Variants in RYR3 observed in about 807,000 individuals in gnomAD.
RYR3 encodes ryanodine receptor 3, also known as brain ryanodine receptor-calcium release channel.
In RYR3, 207 loss-of-function variants were observed where a neutral mutation model predicts 584.3. The observed-to-expected ratio is 0.35, with a 90% CI of 0.32 to 0.40. The LOEUF is 0.40. Among genes scored for constraint, RYR3 ranks in the 10% least tolerant of loss-of-function variants. The pLI, the probability that RYR3 is intolerant of heterozygous loss-of-function variation, is 1.00. For synonymous variants in RYR3, 2,416 were observed against 2,248.5 expected (o/e 1.07, Z -2.11); for missense variants, 5,616 against 6,089.2 (o/e 0.92, Z 2.59).
chr15:33,860,659 G>C lies in RYR3; in HGVS notation c.14364G>C (p.Glu4788Asp). The C allele has an allele frequency of 2.5e-6, 4 of 1,583,470 alleles. No individual in the cohort carries two copies. Among genetic ancestry groups the C allele is most frequent in the East Asian group, 2.3e-5 (1 of 44,360 alleles). The change falls in exon 101 of 104, where the codon GAG becomes GAC. Residue 4788 changes from glutamate (E) to aspartate (D), a missense_variant and splice_region_variant. Glu to Asp is a conservative substitution (Grantham distance 45). Transcript: ENST00000634891. The stretch of plus-strand genomic sequence containing the variant: ...AGGAACAAGTACGAGAAGATATGGA[G>C]GTAATGTTACTCTAACTACTAATCC... Reference protein sequence around the residue: ...DQQEQVREDMETKCFICGIGN... With the variant: ...DQQEQVREDMDTKCFICGIGN...
chr15:33,835,324 T>C (rs1447269719), intron 87 of RYR3, among the ~76,000 whole-genome samples: 2 of 152,190 alleles, frequency 1.3e-5, no homozygotes, highest in East Asian at 1.9e-4. Flanking sequence ...ACCCTTATTA[T>C]TGCCTCAACA....
chr15:33,825,745 TTCC>T (rs2077345761), intron 82 of RYR3, 69 bp downstream of exon 82: 1 of 267,404 alleles, frequency 3.7e-6, no homozygotes, highest in South Asian at 4.7e-5. Flanking sequence ...TTTTTTTTTT[TTCC>T]CCATACAGAG....
chr15:33,335,558 A>G (rs1347714192), intron 1 of RYR3, among the ~76,000 whole-genome samples: 1 of 152,170 alleles, frequency 6.6e-6, no homozygotes, highest in Non-Finnish European at 1.5e-5. Context: ...AGGAAAAATA[A>G]CTAATGGATA....
chr15:33,436,865 GTTT>G (rs1174958448), intron 1 of RYR3, among the ~76,000 whole-genome samples: 1 of 151,876 alleles, frequency 6.6e-6, no homozygotes, highest in Non-Finnish European at 1.5e-5. Flanking sequence ...TTTATTTTTT[GTTT>G]TTTAAGTGGT....
chr15:33,748,009 A>C, intron 53 of RYR3, 105 bp from the exon 54 acceptor site: 1 of 1,010,264 alleles, frequency 9.9e-7, no homozygotes, highest in Non-Finnish European at 1.5e-6. Flanking sequence ...GCTGGTGCTA[A>C]CTAGCACCCC....
At chr15:33,747,703 G>A (rs939596011) in intron 53 of RYR3, among the ~76,000 whole-genome samples, 5 of 152,088 alleles carry the variant, frequency 3.3e-5, no homozygotes, top group Admixed American at 1.3e-4. Flanking sequence ...GGGATTACAG[G>A]CATGAGCCAC....
At chr15:33,761,476 A>G (rs1027975337) in intron 60 of RYR3, among the ~76,000 whole-genome samples, 1 of 152,260 alleles carries the variant, frequency 6.6e-6, no homozygotes, top group Admixed American at 6.5e-5. Context: ...AAACACATCT[A>G]TGCAAATAAG....
In RYR3 at chr15:33,641,116, G is replaced by T. The variant is rs139526599; in HGVS notation, c.3557-3195G>T. ...ATCTGTCTAATCTAGAGACAAACAG[G>T]TGAACTCCCTGACACGTTGGAAAAT... On this transcript the variant is annotated intron_variant, in intron 27 of 103. Coordinates refer to ENST00000634891, the MANE Select transcript of RYR3 (RefSeq NM_001036.6). Among the ~76,000 whole-genome samples, 44 of 152,322 alleles carry T rather than the reference G, an allele frequency of 2.9e-4. No individual in the cohort carries two copies. The Middle Eastern group carries it at 0.01, about 35-fold the overall frequency.
intron 77 of RYR3, 106 bp downstream of exon 77, chr15:33,819,913 A>T (rs2077023884): frequency 1.3e-6 from 1 of 797,314 alleles, no homozygotes; most frequent in African/African-American, 1.8e-5. Flanking sequence ...GGACTTTGTC[A>T]TGACATAGGT....
At chr15:33,518,821 C>T (rs937771014) in intron 3 of RYR3, among the ~76,000 whole-genome samples, 1 of 152,264 alleles carries the variant, frequency 6.6e-6, no homozygotes, top group Admixed American at 6.5e-5. Context: ...AAGCACTGTC[C>T]AAGCATTAGA....
chr15:33,438,049 CCTCTT>C (rs2045887072), intron 1 of RYR3, among the ~76,000 whole-genome samples: 1 of 152,146 alleles, frequency 6.6e-6, no homozygotes, highest in Non-Finnish European at 1.5e-5. Flanking sequence ...TTCTCTCTCT[CCTCTT>C]CAGAGATAAC....
At chr15:33,663,831 G>A in intron 36 of RYR3, 94 bp downstream of exon 36, 1 of 1,057,036 alleles carries the variant, frequency 9.5e-7, no homozygotes, top group Non-Finnish European at 1.4e-6. Flanking sequence ...CTCTGGGGCA[G>A]CCTCAAGAGC....
At chr15:33,414,636 G>A (rs769482522) in intron 1 of RYR3, among the ~76,000 whole-genome samples, 10 of 152,160 alleles carry the variant, frequency 6.6e-5, no homozygotes, top group East Asian at 5.8e-4. Context: ...ATGGAGTCTC[G>A]CTCTGTCGCC....
chr15:33,416,986 G>C (rs551353531), intron 1 of RYR3, among the ~76,000 whole-genome samples: 1 of 152,272 alleles, frequency 6.6e-6, no homozygotes, highest in South Asian at 2.1e-4. Flanking sequence ...CTTTGTTGAA[G>C]ATTGGTTGGT....
At chr15:33,770,710 A>G (rs966904006) in intron 62 of RYR3, among the ~76,000 whole-genome samples, 3 of 152,118 alleles carry the variant, frequency 2.0e-5, no homozygotes, top group African/African-American at 7.2e-5. Flanking sequence ...ACTCCAGCCT[A>G]TGCAACGGAG....
At chr15:33,368,336 G>GTTTTT (rs1975793287) in intron 1 of RYR3, among the ~76,000 whole-genome samples, 1 of 98,834 alleles carries the variant, frequency 1.0e-5, no homozygotes. Context: ...TAGCCTTCCT[G>GTTTTT]TCTTTTTTTT....
chr15:33,463,582 A>C (rs2048218932), intron 1 of RYR3, among the ~76,000 whole-genome samples: 1 of 150,950 alleles, frequency 6.6e-6, no homozygotes, highest in South Asian at 2.1e-4. Flanking sequence ...AGGTCACTGC[A>C]TTCTTCCATG....
chr15:33,509,281 A>G (rs2052755720), intron 3 of RYR3, among the ~76,000 whole-genome samples: 2 of 152,206 alleles, frequency 1.3e-5, no homozygotes, highest in Admixed American at 6.5e-5. Flanking sequence ...AAACTCCTCT[A>G]GAATGAAGAG....
intron 2 of RYR3, among the ~76,000 whole-genome samples, chr15:33,489,438 T>C (rs2050779605): frequency 6.6e-6 from 1 of 152,200 alleles, no homozygotes; most frequent in South Asian, 2.1e-4. Flanking sequence ...AGCTCCCACT[T>C]TTAAGTGAGA....
Sources: gnomAD v4.1 joint callset for allele counts (sites outside exome capture counted in the v4.1 genomes callset) on GRCh38, gnomAD v4.1.1 for gene constraint, MANE v1.5 for transcripts, NCBI Gene and HGNC (gene_info 2026-07-23, HGNC 2026-07-21) for gene names.